Variants in ZEB1 observed in about 807,000 individuals in gnomAD.
The protein encoded by ZEB1 is zinc finger E-box binding homeobox 1, also known as zinc finger E-box-binding homeobox 1.
ZEB1 carries 21 observed loss-of-function variants against 84.9 expected under a neutral mutation model. The observed-to-expected ratio is 0.25, with a 90% confidence interval of 0.18 to 0.36. ZEB1 has a LOEUF of 0.36. ZEB1 is among the 10% of genes least tolerant of loss of function. The pLI, the probability that ZEB1 is intolerant of heterozygous loss-of-function variation, is 1.00. For missense variants in ZEB1, 1,104 were observed against 1,330.2 expected (o/e 0.83, Z 2.65); for synonymous variants, 420 against 471.1 (o/e 0.89, Z 1.41).
At chr10:31,399,742 C>G (rs2051559269) in intron 1 of ZEB1, among the ~76,000 whole-genome samples, 2 of 152,158 alleles carry the variant, frequency 1.3e-5, no homozygotes, top group Admixed American at 1.3e-4. Flanking sequence ...CTTTTCATCT[C>G]AACCAGAATA....
rs113981844 is a variant in ZEB1, at chr10:31,436,822, G to T, written c.59-24215G>T. ...ATTTCCCACTTCATTTTTATATATG[G>T]TATTAAATTTTCTATTTGTTTGTGT... On this transcript the variant is annotated intron_variant, in intron 1 of 8. Transcript: ENST00000424869. Among the ~76,000 whole-genome samples the T allele has an allele frequency of 2.2e-4, 33 of 152,072 alleles. 2 individuals are homozygous for T. The highest frequency in any genetic ancestry group is 8.0e-4 in the African/African-American group (33 of 41,488).
At chr10:31,436,683 A>G (rs748150908) in intron 1 of ZEB1, among the ~76,000 whole-genome samples, 3 of 152,250 alleles carry the variant, frequency 2.0e-5, no homozygotes, top group Non-Finnish European at 2.9e-5. Context: ...TTTGTGGATC[A>G]GGGTTGAAGC....
intron 1 of ZEB1, among the ~76,000 whole-genome samples, chr10:31,399,200 G>C (rs187849769): frequency 6.6e-6 from 1 of 151,942 alleles, no homozygotes; most frequent in African/African-American, 2.4e-5. Flanking sequence ...TCACCATGTC[G>C]GCCCGGCTGG....
chr10:31,498,136 T>C (rs1029757504), intron 3 of ZEB1, among the ~76,000 whole-genome samples: 1 of 152,098 alleles, frequency 6.6e-6, no homozygotes, highest in African/African-American at 2.4e-5. Context: ...TATTTAAATA[T>C]ATAAGTTTAT....
intron 1 of ZEB1, among the ~76,000 whole-genome samples, chr10:31,418,855 C>G (rs912535949): frequency 6.6e-6 from 1 of 151,982 alleles, no homozygotes; most frequent in Non-Finnish European, 1.5e-5. Flanking sequence ...TTGTTGAGTG[C>G]CAATATGATG....
At chr10:31,435,696 C>T (rs938853938) in intron 1 of ZEB1, among the ~76,000 whole-genome samples, 3 of 151,982 alleles carry the variant, frequency 2.0e-5, no homozygotes, top group Non-Finnish European at 2.9e-5. Context: ...GGTCATTTAG[C>T]GAGAATGAAT....
At chr10:31,327,374 G>A (rs1018822620) in intron 1 of ZEB1, among the ~76,000 whole-genome samples, 4 of 151,958 alleles carry the variant, frequency 2.6e-5, no homozygotes, top group African/African-American at 7.3e-5. Context: ...GCCTCCCAAA[G>A]TGCTGGGATT....
At chr10:31,451,417 C>A (rs2060554212) in intron 1 of ZEB1, among the ~76,000 whole-genome samples, 1 of 152,002 alleles carries the variant, frequency 6.6e-6, no homozygotes, top group Admixed American at 6.6e-5. Flanking sequence ...AATTACATGG[C>A]TTCTCTATTT....
Position 31,363,837 on chromosome 10 carries a change from C to T in ZEB1, c.58+44545C>T, listed in dbSNP as rs559564314. The T allele has an allele frequency of 2.1e-4, 271 of 1,318,182 alleles. 3 individuals are homozygous for T. In the East Asian group the frequency reaches 6.9e-3, roughly 34 times the overall value. 81.7% of individuals were successfully genotyped at this position (1,318,182 alleles called of 1,614,324 possible). A position where few individuals can be genotyped will look rare whatever the true frequency, so the allele number is the denominator to read the frequency against. ...GACACAGCCTCATAGGGGCGCCGTC[C>T]CACCTGACTGGAAAAGAAGGCCCAA... On this transcript the variant is annotated intron_variant, in intron 1 of 8. Transcript: ENST00000424869.
intron 2 of ZEB1, among the ~76,000 whole-genome samples, chr10:31,465,497 A>G (rs2062306739): frequency 6.6e-6 from 1 of 151,768 alleles, no homozygotes; most frequent in Admixed American, 6.6e-5. Context: ...GGAAGCAGCA[A>G]AGAAACAAAG....
intron 1 of ZEB1, among the ~76,000 whole-genome samples, chr10:31,439,052 A>G (rs1591268185): frequency 6.6e-6 from 1 of 152,186 alleles, no homozygotes; most frequent in Admixed American, 6.5e-5. Flanking sequence ...CATTAAAATA[A>G]TATCAAAGGA....
intron 1 of ZEB1, chr10:31,387,842 A>G (rs2048901821): frequency 1.2e-6 from 1 of 855,100 alleles, no homozygotes; most frequent in Admixed American, 6.2e-5. Flanking sequence ...TAATTGAAAA[A>G]TATTACTTAA....
chr10:31,353,131 A>G (rs567679437), intron 1 of ZEB1, among the ~76,000 whole-genome samples: 21 of 152,328 alleles, frequency 1.4e-4, no homozygotes, highest in Middle Eastern at 3.4e-3. Flanking sequence ...AGTAGTATCA[A>G]CCTCACAGGA....
chr10:31,495,974 T>G, intron 3 of ZEB1, 136 bp downstream of exon 3: 1 of 898,000 alleles, frequency 1.1e-6, no homozygotes, highest in Non-Finnish European at 1.8e-6. Context: ...TTTAAGTACT[T>G]AGGCATATGG....
chr10:31,496,322 G>A (rs2067231870), intron 3 of ZEB1, among the ~76,000 whole-genome samples: 2 of 152,090 alleles, frequency 1.3e-5, no homozygotes, highest in South Asian at 2.1e-4. Context: ...CACAGCAAAC[G>A]AGAATCAAAA....
At chr10:31,481,822 G>C (rs774270684) in intron 2 of ZEB1, among the ~76,000 whole-genome samples, 4 of 151,966 alleles carry the variant, frequency 2.6e-5, no homozygotes, top group Non-Finnish European at 4.4e-5. Flanking sequence ...CCATCCATCT[G>C]TATTGATATA....
At chr10:31,519,315 C>A (rs1408599222) in intron 6 of ZEB1, among the ~76,000 whole-genome samples, 2 of 152,114 alleles carry the variant, frequency 1.3e-5, no homozygotes, top group Non-Finnish European at 2.9e-5. Context: ...ACCAAAGTAT[C>A]CCTAACAGCC....
At chr10:31,512,098 T>C (rs545061339) in intron 5 of ZEB1, among the ~76,000 whole-genome samples, 6 of 152,190 alleles carry the variant, frequency 3.9e-5, no homozygotes, top group Admixed American at 2.6e-4. Context: ...ATGAGTCTTA[T>C]CAGAGAGACC....
intron 2 of ZEB1, among the ~76,000 whole-genome samples, chr10:31,479,994 A>G (rs1160030028): frequency 6.6e-6 from 1 of 151,974 alleles, no homozygotes; most frequent in African/African-American, 2.4e-5. Flanking sequence ...TGCTTGTGTC[A>G]GTTAAACTTT....
Sources: gnomAD v4.1 joint callset for allele counts (sites outside exome capture counted in the v4.1 genomes callset) on GRCh38, gnomAD v4.1.1 for gene constraint, MANE v1.5 for transcripts, NCBI Gene and HGNC (gene_info 2026-07-23, HGNC 2026-07-21) for gene names.